Variants in ASH1L observed in about 807,000 individuals in gnomAD.
The protein encoded by ASH1L is ASH1 like histone lysine methyltransferase.
Under a neutral mutation model 269.0 loss-of-function variants are expected in ASH1L, and 23 were observed. The ratio of observed to expected loss-of-function variants is 0.09; its 90% CI spans 0.06 to 0.12. ASH1L has a LOEUF of 0.12. Ranked by LOEUF, ASH1L falls within the 10% of genes least tolerant of loss-of-function variation. The pLI, the probability that ASH1L is intolerant of heterozygous loss-of-function variation, is 1.00. For synonymous variants in ASH1L, 1,187 were observed against 1,253.5 expected (o/e 0.95, Z 1.12); for missense variants, 2,912 against 3,567.8 (o/e 0.82, Z 4.68).
intron 2 of ASH1L, among the ~76,000 whole-genome samples, chr1:155,483,570 A>C (rs1558154997): frequency 6.6e-6 from 1 of 152,118 alleles, no homozygotes; most frequent in Non-Finnish European, 1.5e-5. Context: ...AAAACGCTAC[A>C]ATCTAGTTAT....
rs757435158 is a variant in ASH1L, at chr1:155,479,578, T to C, written c.3292A>G (p.Ser1098Gly). The change falls in exon 3 of 28, where the codon AGT becomes GGT. Residue 1098 changes from serine to glycine, a missense_variant. Ser to Gly is a moderately conservative substitution (Grantham distance 56). Coordinates refer to ENST00000392403, the MANE Select transcript of ASH1L (RefSeq NM_018489.3). ...ILPPLLPSSASSSEILPSPIC... is the reference protein window; with the variant it reads ...ILPPLLPSSAGSSEILPSPIC... ...GGTGATGGAAGAATCTCAGAACTAC[T>C]AGCAGATGAAGGCAGTAATGGGGGA... 1.2e-6 allele frequency: 2 copies of C among 1,614,190 alleles called. No homozygotes were observed. The highest frequency in any genetic ancestry group is 2.2e-5 in the South Asian group (2 of 91,084).
chr1:155,440,004 C>T (rs1056841855), intron 4 of ASH1L, among the ~76,000 whole-genome samples: 2 of 151,552 alleles, frequency 1.3e-5, no homozygotes, highest in South Asian at 4.2e-4. Context: ...ACCCTTGTCT[C>T]AATTTGATAT....
At chr1:155,484,713 G>A (rs1261252239) in intron 2 of ASH1L, among the ~76,000 whole-genome samples, 2 of 151,488 alleles carry the variant, frequency 1.3e-5, no homozygotes, top group African/African-American at 4.9e-5. Flanking sequence ...CAGATCACCT[G>A]AGGTCAGGAG....
intron 5 of ASH1L, among the ~76,000 whole-genome samples, chr1:155,418,794 G>A (rs1185198892): frequency 1.3e-5 from 2 of 152,302 alleles, no homozygotes; most frequent in East Asian, 3.9e-4. Context: ...AAGAGGCTGG[G>A]CGCAGTGGCT....
intron 1 of ASH1L, among the ~76,000 whole-genome samples, chr1:155,531,256 T>A (rs1312312126): frequency 6.6e-6 from 1 of 152,218 alleles, no homozygotes; most frequent in Non-Finnish European, 1.5e-5. Context: ...GCATACATTT[T>A]AAATTTTCCC....
intron 7 of ASH1L, among the ~76,000 whole-genome samples, chr1:155,391,644 G>A (rs1025121336): frequency 6.6e-6 from 1 of 152,096 alleles, no homozygotes; most frequent in Non-Finnish European, 1.5e-5. Context: ...TCTCAATTGT[G>A]TTATTATCCT....
chr1:155,488,721 CTGA>C (rs912532854), intron 2 of ASH1L, among the ~76,000 whole-genome samples: 1 of 131,598 alleles, frequency 7.6e-6, no homozygotes, highest in Admixed American at 7.8e-5. Context: ...GTATTTGGTA[CTGA>C]TGATATTATC....
At chr1:155,527,186 T>C (rs991804736) in intron 1 of ASH1L, among the ~76,000 whole-genome samples, 1 of 151,902 alleles carries the variant, frequency 6.6e-6, no homozygotes, top group African/African-American at 2.4e-5. Flanking sequence ...CCAGCCTAGG[T>C]GACAGAGCGA....
At chr1:155,456,019 T>C (rs759833357) in intron 4 of ASH1L, among the ~76,000 whole-genome samples, 3 of 152,198 alleles carry the variant, frequency 2.0e-5, no homozygotes, top group Non-Finnish European at 4.4e-5. Flanking sequence ...AGTCCTAGGC[T>C]CTGTCTTTTG....
chr1:155,549,518 G>T (rs1671053498), intron 1 of ASH1L, among the ~76,000 whole-genome samples: 1 of 151,814 alleles, frequency 6.6e-6, no homozygotes, highest in Non-Finnish European at 1.5e-5. Flanking sequence ...CCTGCTACTT[G>T]GGAGGCTGAG....
chr1:155,480,498 G>A lies in ASH1L; in HGVS notation c.2372C>T (p.Ala791Val), dbSNP rs747851546. The A allele has an allele frequency of 1.9e-6, 3 of 1,613,998 alleles. No homozygotes were observed. The highest frequency in any genetic ancestry group is 2.7e-5 in the African/African-American group (2 of 74,920). The change falls in exon 3 of 28, where the codon GCT (alanine) becomes GTT (valine). Residue 791 changes from alanine to valine, a missense_variant. Around this residue, in one of 13 missense-constraint regions of ASH1L, gnomAD observed 715 missense variants for 721.0 expected, o/e 0.99. Coordinates refer to ENST00000392403, the MANE Select transcript of ASH1L (RefSeq NM_018489.3). ...TGGTTTTTCACTATCAGCTAAGAGA[G>A]CAAGAGATGGAGCTGTGGATTTGCT... ...KLSKSTAPSL[A>V]LLADSEKPSH...
chr1:155,371,533 G>A (rs1373361862), intron 10 of ASH1L, among the ~76,000 whole-genome samples: 1 of 152,112 alleles, frequency 6.6e-6, no homozygotes. Flanking sequence ...GGGCGACAGA[G>A]TGAGACTCCG....
intron 10 of ASH1L, among the ~76,000 whole-genome samples, chr1:155,376,618 G>A (rs1656467421): frequency 2.0e-5 from 3 of 152,058 alleles, no homozygotes; most frequent in Non-Finnish European, 4.4e-5. Flanking sequence ...AGTGGAGGTT[G>A]CAGTGAGCTG....
At chr1:155,436,684 A>G (rs762481487) in intron 5 of ASH1L, among the ~76,000 whole-genome samples, 6 of 150,422 alleles carry the variant, frequency 4.0e-5, no homozygotes, top group Non-Finnish European at 7.4e-5. Context: ...TTTAGTAGAG[A>G]CGGGGTTTCA....
At chr1:155,526,671 A>G (rs1444751321) in intron 1 of ASH1L, among the ~76,000 whole-genome samples, 1 of 152,158 alleles carries the variant, frequency 6.6e-6, no homozygotes, top group Non-Finnish European at 1.5e-5. Context: ...GTCAGATAGG[A>G]AGCAGTAACA....
At chr1:155,357,250 A>G (rs1245441556) in intron 15 of ASH1L, 66 bp downstream of exon 15, 1 of 1,367,558 alleles carries the variant, frequency 7.3e-7, no homozygotes, top group East Asian at 2.4e-5. Context: ...AAGTTTCATA[A>G]TTTTTTACAC....
intron 4 of ASH1L, among the ~76,000 whole-genome samples, chr1:155,443,350 T>G (rs1218711592): frequency 1.3e-5 from 2 of 152,196 alleles, no homozygotes; most frequent in Non-Finnish European, 2.9e-5. Context: ...TCTTCACAAA[T>G]TCTGGCCTGC....
intron 13 of ASH1L, among the ~76,000 whole-genome samples, chr1:155,359,954 C>G (rs981308107): frequency 2.0e-5 from 3 of 151,720 alleles, no homozygotes; most frequent in African/African-American, 7.3e-5. Context: ...GTGGTGCAAT[C>G]TCGGCTCAAC....
At chr1:155,460,878 C>T (rs909013975) in intron 3 of ASH1L, among the ~76,000 whole-genome samples, 1 of 152,156 alleles carries the variant, frequency 6.6e-6, no homozygotes, top group Non-Finnish European at 1.5e-5. Context: ...GAGCATATTA[C>T]ATCTCCCGCT....
Sources: gnomAD v4.1 joint callset for allele counts (sites outside exome capture counted in the v4.1 genomes callset) on GRCh38, gnomAD v4.1.1 for gene constraint, gnomAD v4.1.1 regional missense constraint, MANE v1.5 for transcripts, NCBI Gene and HGNC (gene_info 2026-07-23, HGNC 2026-07-21) for gene names.